Variants in MALRD1 observed in about 807,000 individuals in gnomAD.
The protein encoded by MALRD1 is MAM and LDL receptor class A domain containing 1.
MALRD1 carries 247 observed loss-of-function variants against 242.1 expected under a neutral mutation model. That is an observed-to-expected ratio of 1.02 (90% CI 0.92 to 1.13). The LOEUF (loss-of-function observed/expected upper bound fraction) is 1.13, where lower values mean the gene tolerates loss of function less well. MALRD1 is among the 50% of genes most tolerant of loss of function. The probability of loss-of-function intolerance (pLI) is 0.00; values close to 1 mark genes in which losing one functional copy is unlikely to be tolerated. For missense variants in MALRD1, 2,989 were observed against 2,533.1 expected (o/e 1.18, Z -3.86); for synonymous variants, 995 against 866.6 (o/e 1.15, Z -2.60).
At chr10:19,270,193 G>A (rs1326570849) in intron 19 of MALRD1, among the ~76,000 whole-genome samples, 3 of 152,112 alleles carry the variant, frequency 2.0e-5, no homozygotes, top group East Asian at 3.9e-4. Flanking sequence ...GTAGGTGCCT[G>A]TAATCCCAGC....
chr10:19,154,325 A>G (rs929988737), intron 11 of MALRD1, among the ~76,000 whole-genome samples: 1 of 152,160 alleles, frequency 6.6e-6, no homozygotes, highest in African/African-American at 2.4e-5. Context: ...TGTATCTAGG[A>G]AAATCACTCT....
intron 36 of MALRD1, among the ~76,000 whole-genome samples, chr10:19,671,812 T>G (rs891926679): frequency 6.6e-5 from 10 of 152,152 alleles, no homozygotes; most frequent in Non-Finnish European, 1.5e-4. Flanking sequence ...GCTCTGTAGA[T>G]GGGATGGGGC....
intron 1 of MALRD1, among the ~76,000 whole-genome samples, chr10:19,053,411 CT>C (rs1221354754): frequency 1.6e-4 from 24 of 152,184 alleles, no homozygotes; most frequent in Admixed American, 1.6e-3. Context: ...TTTGGTGCTG[CT>C]GCTGCTTCTC....
At chr10:19,584,404 C>G (rs1407502779) in intron 33 of MALRD1, among the ~76,000 whole-genome samples, 1 of 151,862 alleles carries the variant, frequency 6.6e-6, no homozygotes, top group Non-Finnish European at 1.5e-5. Flanking sequence ...GAATGCGTCC[C>G]AGAGATTCTG....
chr10:19,488,924 T>C, intron 29 of MALRD1: 1 of 376,942 alleles, frequency 2.7e-6, no homozygotes, highest in Non-Finnish European at 5.3e-6. Context: ...GGTTATTACA[T>C]GGGTTATTAA....
chr10:19,077,606 TA>T (rs745750850), intron 2 of MALRD1, among the ~76,000 whole-genome samples: 13 of 151,982 alleles, frequency 8.6e-5, no homozygotes, highest in Non-Finnish European at 1.5e-4. Context: ...GGATACTTTC[TA>T]ACAGGTGTCT....
intron 28 of MALRD1, among the ~76,000 whole-genome samples, chr10:19,449,907 A>C (rs978561217): frequency 6.6e-6 from 1 of 152,180 alleles, no homozygotes; most frequent in South Asian, 2.1e-4. Flanking sequence ...ATTCATTGGC[A>C]CTAGTAAAGT....
intron 30 of MALRD1, among the ~76,000 whole-genome samples, chr10:19,495,506 T>C (rs1447772434): frequency 6.6e-6 from 1 of 151,074 alleles, no homozygotes; most frequent in Non-Finnish European, 1.5e-5. Flanking sequence ...AAACTAAACT[T>C]CATAAATGAA....
At chr10:19,199,601 A>G in intron 14 of MALRD1, among the ~76,000 whole-genome samples, 1 of 151,978 alleles carries the variant, frequency 6.6e-6, no homozygotes, top group Non-Finnish European at 1.5e-5. Flanking sequence ...AGGAGTTCAA[A>G]ACCAGCCTGG....
At chr10:19,058,161 A>T (rs1368754886) in intron 1 of MALRD1, among the ~76,000 whole-genome samples, 1 of 152,206 alleles carries the variant, frequency 6.6e-6, no homozygotes, top group Non-Finnish European at 1.5e-5. Context: ...AATGAGGCTT[A>T]GACTAGGTAA....
intron 39 of MALRD1, among the ~76,000 whole-genome samples, chr10:19,732,941 T>C (rs1053899897): frequency 6.6e-6 from 1 of 152,222 alleles, no homozygotes; most frequent in Non-Finnish European, 1.5e-5. Flanking sequence ...TCCTTTTTCA[T>C]TTTCTGTTTT....
intron 18 of MALRD1, among the ~76,000 whole-genome samples, chr10:19,245,398 A>G (rs1838998003): frequency 6.6e-6 from 1 of 152,072 alleles, no homozygotes. Flanking sequence ...CATAGCAAAA[A>G]TTTTCTTTTG....
chr10:19,368,166 C>CTTT (rs1845187167), intron 26 of MALRD1, among the ~76,000 whole-genome samples: 1 of 152,012 alleles, frequency 6.6e-6, no homozygotes, highest in South Asian at 2.1e-4. Flanking sequence ...TTTGCCTGTG[C>CTTT]TTTTTTGGTC....
chr10:19,674,267 A>G (rs1207573022), intron 36 of MALRD1, among the ~76,000 whole-genome samples: 1 of 152,202 alleles, frequency 6.6e-6, no homozygotes, highest in Non-Finnish European at 1.5e-5. Context: ...TTGATAGGAT[A>G]TGATGCCTAC....
rs1323912745 is a variant in MALRD1 at position 19,117,962 on chromosome 10, C to CATT, written c.695-5529_695-5527dup. ...TAGCGGTGAAAAAGCAAATAGTAAT[C>CATT]ATTGCGTTCACCAAGCTTACAATTT... On this transcript the variant is annotated intron_variant, in intron 5 of 39. Transcript: ENST00000454679. Among the ~76,000 whole-genome samples, 6 of 152,226 alleles carry CATT rather than the reference C, an allele frequency of 3.9e-5. No individual in the cohort carries two copies. The East Asian group carries it at 9.7e-4, about 24-fold the overall frequency.
intron 12 of MALRD1, among the ~76,000 whole-genome samples, chr10:19,161,926 G>A (rs566738786): frequency 3.3e-5 from 5 of 152,218 alleles, no homozygotes; most frequent in African/African-American, 1.2e-4. Context: ...TACTCTGGAG[G>A]CTGAGGCAGG....
At chr10:19,270,646 T>G (rs1411883315) in intron 19 of MALRD1, among the ~76,000 whole-genome samples, 1 of 151,926 alleles carries the variant, frequency 6.6e-6, no homozygotes, top group East Asian at 1.9e-4. Flanking sequence ...AGTGACTGAA[T>G]TGCAAAAGAA....
intron 31 of MALRD1, among the ~76,000 whole-genome samples, chr10:19,530,306 T>C (rs1466145625): frequency 7.1e-6 from 1 of 141,198 alleles, no homozygotes; most frequent in Non-Finnish European, 1.5e-5. Flanking sequence ...AAGGACATTG[T>C]TGAAATGTTG....
chr10:19,127,923 T>C lies in MALRD1; in HGVS notation c.944-298T>C, dbSNP rs192013512. The stretch of plus-strand genomic sequence containing the variant: ...TTAAAAGAAAATGGCAATAATTTGG[T>C]GGTATAGCAATTTGTATATGTAGGT... On this transcript the variant is annotated intron_variant, in intron 7 of 39. Coordinates refer to ENST00000454679, the MANE Select transcript of MALRD1 (RefSeq NM_001142308.3). Among the ~76,000 whole-genome samples the C allele has an allele frequency of 7.7e-4, 117 of 152,262 alleles. 1 individual carries two copies. In the South Asian group the frequency reaches 0.014, roughly 19 times the overall value.
Sources: gnomAD v4.1 joint callset for allele counts (sites outside exome capture counted in the v4.1 genomes callset) on GRCh38, gnomAD v4.1.1 for gene constraint, MANE v1.5 for transcripts, NCBI Gene and HGNC (gene_info 2026-07-23, HGNC 2026-07-21) for gene names.